Variants in CGGBP1 observed in about 807,000 individuals in gnomAD.
The protein encoded by CGGBP1 is CGG triplet repeat-binding protein 1.
CGGBP1 carries 4 observed loss-of-function variants against 11.4 expected under a neutral mutation model. The observed-to-expected ratio is 0.35, with a 90% CI of 0.17 to 0.80. The LOEUF is 0.80. CGGBP1 is among the 30% of genes least tolerant of loss of function. The pLI is 0.52. For synonymous variants in CGGBP1, 76 were observed against 74.1 expected (o/e 1.03, Z -0.13); for missense variants, 135 against 202.1 (o/e 0.67, Z 2.01).
chr3:88,130,226 TTC>T (rs1397192265), intron 2 of CGGBP1, among the ~76,000 whole-genome samples: 1 of 152,104 alleles, frequency 6.6e-6, no homozygotes, highest in Admixed American at 6.6e-5. Flanking sequence ...TATTAAGAAT[TTC>T]TGTTTCCTCA....
At chr3:88,133,910 G>A (rs1257677453) in intron 2 of CGGBP1, among the ~76,000 whole-genome samples, 1 of 152,098 alleles carries the variant, frequency 6.6e-6, no homozygotes, top group Non-Finnish European at 1.5e-5. Context: ...CAGAATAGAG[G>A]AATGTTTAGT....
chr3:88,073,216 G>A (rs1057202858), intron 2 of CGGBP1, among the ~76,000 whole-genome samples: 1 of 152,094 alleles, frequency 6.6e-6, no homozygotes, highest in Non-Finnish European at 1.5e-5. Flanking sequence ...GGAACTGTGG[G>A]ACTAGGGTCC....
upstream of CGGBP1, among the ~76,000 whole-genome samples, chr3:88,060,686 A>C (rs1337325915): frequency 2.0e-5 from 3 of 152,166 alleles, no homozygotes; most frequent in Non-Finnish European, 4.4e-5. Context: ...GGTAGCTATT[A>C]ATTTCGTTCT....
At chr3:88,083,945 A>ATATATATATATATATATATATATATATG (rs1708212375) in intron 2 of CGGBP1, among the ~76,000 whole-genome samples, 1 of 4,768 alleles carries the variant, frequency 2.1e-4, no homozygotes, top group Non-Finnish European at 1.4e-3. Flanking sequence ...CTTATTTTAT[A>ATATATATATATATATATATATATATATG]TATATATATA....
intron 2 of CGGBP1, among the ~76,000 whole-genome samples, chr3:88,107,535 T>A (rs1199802923): frequency 6.6e-6 from 1 of 152,158 alleles, no homozygotes; most frequent in Non-Finnish European, 1.5e-5. Flanking sequence ...GGATTTGGAT[T>A]TTTCGTCAGT....
upstream of CGGBP1, among the ~76,000 whole-genome samples, chr3:88,062,596 C>T (rs368300624): frequency 6.6e-6 from 1 of 152,100 alleles, no homozygotes. Context: ...ACCAAATACA[C>T]TGAATTTTTT....
At chr3:88,086,815 C>T (rs767676616) in intron 2 of CGGBP1, among the ~76,000 whole-genome samples, 2 of 152,182 alleles carry the variant, frequency 1.3e-5, no homozygotes, top group South Asian at 2.1e-4. Context: ...AGGAGTCTCG[C>T]TCTGTCGCCC....
upstream of CGGBP1, chr3:88,059,646 T>G: frequency 6.0e-5 from 48 of 797,024 alleles, no homozygotes; most frequent in East Asian, 7.7e-5. Flanking sequence ...AGCTCCCTCC[T>G]CCACTTATCC....
intron 1 of CGGBP1, among the ~76,000 whole-genome samples, chr3:88,146,019 A>T (rs1707306856): frequency 6.6e-6 from 1 of 152,242 alleles, no homozygotes; most frequent in Admixed American, 6.5e-5. Flanking sequence ...ACATGGGGTC[A>T]GATTTGCCTG....
chr3:88,146,007 C>A lies in CGGBP1; in HGVS notation c.-338+3704G>T, dbSNP rs575357426. Among the ~76,000 whole-genome samples the A allele has an allele frequency of 9.2e-5, 14 of 152,300 alleles. No individual in the cohort carries two copies. The South Asian group carries it at 1.9e-3, about 20-fold the overall frequency. On this transcript the variant is annotated intron_variant, in intron 1 of 3. Coordinates refer to the CGGBP1 transcript ENST00000462901. ...GTAGACCATGAGTGGATCTAATAAT[C>A]CACATGGGGTCAGATTTGCCTGAGG...
chr3:88,072,752 A>G (rs1322412176), intron 2 of CGGBP1, among the ~76,000 whole-genome samples: 1 of 152,136 alleles, frequency 6.6e-6, no homozygotes, highest in Non-Finnish European at 1.5e-5. Context: ...TTATCCCTCC[A>G]CAAAAAAATG....
chr3:88,120,850 T>TA (rs1342681557), intron 2 of CGGBP1, among the ~76,000 whole-genome samples: 1 of 152,158 alleles, frequency 6.6e-6, no homozygotes, highest in African/African-American at 2.4e-5. Flanking sequence ...TTTTCAAAAT[T>TA]ACTGTATCAC....
chr3:88,070,523 A>T (rs1416640505), intron 2 of CGGBP1, among the ~76,000 whole-genome samples: 2 of 151,034 alleles, frequency 1.3e-5, no homozygotes, highest in African/African-American at 4.9e-5. Context: ...AAAGTTATGA[A>T]CCTTTGCTAT....
At chr3:88,105,075 G>C (rs545801764) in intron 2 of CGGBP1, among the ~76,000 whole-genome samples, 7 of 152,218 alleles carry the variant, frequency 4.6e-5, no homozygotes, top group Admixed American at 2.6e-4. Context: ...AGGAGGTGGA[G>C]GTAGCAGTGA....
At chr3:88,087,723 CAT>C (rs1454984817) in intron 2 of CGGBP1, among the ~76,000 whole-genome samples, 3 of 152,102 alleles carry the variant, frequency 2.0e-5, no homozygotes, top group Admixed American at 2.0e-4. Flanking sequence ...GAGTATGTCT[CAT>C]AGGATAAGTA....
exon 1 of CGGBP1, chr3:88,149,838 A>T (rs1053251907): frequency 1.7e-6 from 1 of 582,474 alleles, no homozygotes; most frequent in Non-Finnish European, 3.1e-6. Flanking sequence ...GATACGTGGG[A>T]CTTCACTCCG....
intron 2 of CGGBP1, chr3:88,086,349 A>G (rs1462465165): frequency 1.3e-6 from 2 of 1,535,644 alleles, no homozygotes; most frequent in Middle Eastern, 1.7e-4. Context: ...CAGCCAGTGC[A>G]TCATTCCCAG....
intron 2 of CGGBP1, among the ~76,000 whole-genome samples, chr3:88,070,891 A>G (rs528026154): frequency 1.3e-5 from 2 of 152,314 alleles, no homozygotes; most frequent in African/African-American, 2.4e-5. Flanking sequence ...AATAGTGGTT[A>G]TCTGTGGGCA....
chr3:88,147,895 C>A (rs2107922941), intron 1 of CGGBP1, among the ~76,000 whole-genome samples: 1 of 152,320 alleles, frequency 6.6e-6, no homozygotes, highest in Middle Eastern at 3.4e-3. Flanking sequence ...TCCCACAATG[C>A]ACAGGACAAT....
Sources: gnomAD v4.1 joint callset for allele counts (sites outside exome capture counted in the v4.1 genomes callset) on GRCh38, gnomAD v4.1.1 for gene constraint, MANE v1.5 for transcripts, NCBI Gene and HGNC (gene_info 2026-07-23, HGNC 2026-07-21) for gene names.